The following SNTG1 variants were observed in gnomAD, a reference collection of about 807,000 sequenced individuals.
SNTG1 encodes syntrophin gamma 1.
SNTG1 carries 39 observed loss-of-function variants against 74.7 expected under a neutral mutation model. The observed-to-expected ratio is 0.52, with a 90% CI of 0.40 to 0.68. The LOEUF (loss-of-function observed/expected upper bound fraction) is 0.68, where lower values mean the gene tolerates loss of function less well. Among genes scored for constraint, SNTG1 ranks in the 30% least tolerant of loss-of-function variants. The pLI is 0.00. For synonymous variants in SNTG1, 254 were observed against 217.1 expected, an observed-to-expected ratio of 1.17 and a Z score of -1.49; for missense variants, 685 against 609.5, an observed-to-expected ratio of 1.12 and a Z score of -1.30.
At chr8:50,189,705 C>T (rs765132196) in intron 2 of SNTG1, among the ~76,000 whole-genome samples, 31 of 152,104 alleles carry the variant, frequency 2.0e-4, no homozygotes, top group Non-Finnish European at 3.8e-4. Flanking sequence ...TGTCTAGGTG[C>T]TGCATGGCAT....
At position 50,796,068 on chromosome 8, in the gene SNTG1, C is replaced by T. The variant is rs1585817573; in HGVS notation, c.*3239C>T. 2 of 152,098 alleles carry T rather than the reference C, an allele frequency of 1.3e-5. No individual in the cohort carries two copies. Among genetic ancestry groups the T allele is most frequent in the South Asian group, 4.2e-4 (2 of 4,816 alleles). The allele number at this position is 152,098 out of a possible 1,614,324, so 9.4% of individuals were successfully genotyped here. A position where few individuals can be genotyped will look rare whatever the true frequency, so the allele number is the denominator to read the frequency against. Reference sequence around the variant, plus strand: ...CCTTTGGGTGCATTAGTTTATAGATCAACATTTCCCTCATTTACAGTGCTG... The same window carrying T: ...CCTTTGGGTGCATTAGTTTATAGATTAACATTTCCCTCATTTACAGTGCTG... On this transcript the variant is annotated 3_prime_UTR_variant, in exon 19 of 19. Coordinates refer to ENST00000642720, the MANE Select transcript of SNTG1 (RefSeq NM_018967.5).
chr8:49,910,502 T>G (rs921671729), upstream of SNTG1, among the ~76,000 whole-genome samples: 2 of 152,170 alleles, frequency 1.3e-5, no homozygotes, highest in Non-Finnish European at 2.9e-5. Flanking sequence ...TTTGACCAGT[T>G]TTCCAACAGT....
chr8:50,086,257 C>T (rs143479554), intron 1 of SNTG1, among the ~76,000 whole-genome samples: 42 of 152,232 alleles, frequency 2.8e-4, no homozygotes, highest in African/African-American at 9.9e-4. Flanking sequence ...GGCATCATCA[C>T]AATTTTAGTG....
chr8:50,044,238 T>A (rs1216425222), intron 1 of SNTG1, among the ~76,000 whole-genome samples: 1 of 152,212 alleles, frequency 6.6e-6, no homozygotes, highest in Non-Finnish European at 1.5e-5. Context: ...AAGTTAAGAA[T>A]GTGTTTCTAA....
chr8:50,233,734 G>GAC lies in SNTG1; in HGVS notation c.-28+61100_-28+61101insCA, dbSNP rs1554615128. On this transcript the variant is annotated intron_variant, in intron 2 of 18. Transcript: ENST00000642720. ...AAAAAAACCCACTAATTAGAAAATG[G>GAC]AAAAAAAAATGAAGACACATTTCAC... Among the ~76,000 whole-genome samples, 25 of 150,252 alleles carry GAC rather than the reference G, an allele frequency of 1.7e-4. No individual in the cohort carries two copies. In the East Asian group the frequency reaches 4.5e-3, roughly 27 times the overall value.
intron 13 of SNTG1, among the ~76,000 whole-genome samples, chr8:50,652,829 T>A (rs1475354657): frequency 6.6e-6 from 1 of 151,386 alleles, no homozygotes; most frequent in Admixed American, 6.6e-5. Flanking sequence ...AAATAAATAA[T>A]AAATAAATAA....
chr8:50,259,945 T>C (rs1283137805), intron 2 of SNTG1, among the ~76,000 whole-genome samples: 1 of 152,126 alleles, frequency 6.6e-6, no homozygotes, highest in African/African-American at 2.4e-5. Context: ...TATTAATAGT[T>C]CCAAGGAGTA....
chr8:49,972,328 A>G (rs1811765334), intron 1 of SNTG1, among the ~76,000 whole-genome samples: 1 of 152,194 alleles, frequency 6.6e-6, no homozygotes, highest in Non-Finnish European at 1.5e-5. Context: ...GAAAGCTGAA[A>G]CTGGATCCCT....
intron 2 of SNTG1, among the ~76,000 whole-genome samples, chr8:50,195,420 A>G (rs189130498): frequency 2.0e-5 from 3 of 152,182 alleles, no homozygotes; most frequent in East Asian, 1.9e-4. Flanking sequence ...TAAAGTCTGC[A>G]CACCAGATTT....
rs2093576027 is a variant in SNTG1, at chr8:50,462,794, C to CTTTTTTTTTTTTTTTTTTTTTTTTTT, written c.363+12066_363+12067insTTTTTTTTTTTTTTTTTTTTTTTTTT. Among the ~76,000 whole-genome samples the CTTTTTTTTTTTTTTTTTTTTTTTTTT allele has an allele frequency of 1.4e-4, 6 of 43,628 alleles. 2 individuals carry two copies. The highest frequency in any genetic ancestry group is 2.2e-4 in the African/African-American group (3 of 13,402). 28.6% of individuals were successfully genotyped at this position (43,628 alleles called of 152,430 possible). On this transcript the variant is annotated intron_variant, in intron 8 of 18. Coordinates refer to ENST00000642720, the MANE Select transcript of SNTG1 (RefSeq NM_018967.5). ...AACTCAGTCGCATCTTCAGGTTCTA[C>CTTTTTTTTTTTTTTTTTTTTTTTTTT]TCTTTTTTTTTTTTTTTTTTTTTTT...
intron 1 of SNTG1, among the ~76,000 whole-genome samples, chr8:49,943,621 C>T (rs1440096973): frequency 6.6e-6 from 1 of 152,194 alleles, no homozygotes; most frequent in East Asian, 1.9e-4. Flanking sequence ...AATTTTAATC[C>T]TTGCCCTTCT....
intron 2 of SNTG1, among the ~76,000 whole-genome samples, chr8:50,217,542 T>C (rs937893825): frequency 2.6e-5 from 4 of 152,120 alleles, no homozygotes; most frequent in African/African-American, 7.2e-5. Context: ...GCAGATTTAA[T>C]AGAAAAAAGT....
chr8:50,018,034 G>T (rs965514707), intron 1 of SNTG1, among the ~76,000 whole-genome samples: 1 of 151,972 alleles, frequency 6.6e-6, no homozygotes, highest in Middle Eastern at 3.4e-3. Flanking sequence ...TAAATAAATA[G>T]ACAGAAAATC....
At chr8:50,502,745 T>A in intron 8 of SNTG1, 33 bp from the exon 9 acceptor site, 1 of 1,540,632 alleles carries the variant, frequency 6.5e-7, no homozygotes. Context: ...ATAAATGTAA[T>A]GATGATTGTA....
intron 8 of SNTG1, among the ~76,000 whole-genome samples, chr8:50,472,724 GA>G (rs2093663011): frequency 1.3e-5 from 2 of 151,956 alleles, no homozygotes; most frequent in South Asian, 4.1e-4. Flanking sequence ...TCAAGAGAGT[GA>G]AAAAGGCAAC....
At chr8:50,443,383 A>G (rs1018367111) in intron 5 of SNTG1, among the ~76,000 whole-genome samples, 35 of 152,320 alleles carry the variant, frequency 2.3e-4, no homozygotes, top group African/African-American at 7.2e-4. Flanking sequence ...ATAATAAATT[A>G]TCTATGTCCA....
intron 3 of SNTG1, among the ~76,000 whole-genome samples, chr8:50,394,500 T>C (rs549119583): frequency 2.6e-5 from 4 of 152,214 alleles, no homozygotes; most frequent in African/African-American, 9.6e-5. Context: ...TTGAATATAA[T>C]TGAGTTGCTC....
At chr8:50,289,690 G>A (rs917074094) in intron 2 of SNTG1, among the ~76,000 whole-genome samples, 1 of 152,066 alleles carries the variant, frequency 6.6e-6, no homozygotes, top group South Asian at 2.1e-4. Flanking sequence ...CTACAATAAG[G>A]ACTGATATCA....
intron 2 of SNTG1, among the ~76,000 whole-genome samples, chr8:50,331,168 C>G (rs766570778): frequency 6.6e-6 from 1 of 152,096 alleles, no homozygotes; most frequent in African/African-American, 2.4e-5. Flanking sequence ...GGGAAATCAT[C>G]GGCTAGTAGA....
Sources: allele counts gnomAD v4.1 joint callset (sites outside exome capture counted in the v4.1 genomes callset), GRCh38; gene constraint gnomAD v4.1.1; transcripts MANE v1.5; gene names NCBI Gene and HGNC (gene_info 2026-07-23, HGNC 2026-07-21).